The following RNF38 variants were observed in gnomAD, a reference collection of about 807,000 sequenced individuals.
RNF38 encodes E3 ubiquitin-protein ligase RNF38.
A neutral mutation model predicts 67.2 loss-of-function variants in RNF38; 15 were observed. The observed-to-expected ratio is 0.22, with a 90% confidence interval of 0.15 to 0.34. RNF38 has a LOEUF of 0.34. RNF38 is among the 10% of genes least tolerant of loss of function. The pLI, the probability that RNF38 is intolerant of heterozygous loss-of-function variation, is 1.00. For synonymous variants in RNF38, 220 were observed against 218.8 expected (o/e 1.01, Z -0.05); for missense variants, 524 against 639.9 (o/e 0.82, Z 1.95).
intron 2 of RNF38, among the ~76,000 whole-genome samples, chr9:36,418,789 A>C (rs181936934): frequency 1.5e-3 from 223 of 151,612 alleles, no homozygotes; most frequent in East Asian, 2.3e-3. Flanking sequence ...CTGTCTCAAA[A>C]AACAACAACA....
At chr9:36,376,543 T>C (rs1728303411) in intron 2 of RNF38, among the ~76,000 whole-genome samples, 1 of 152,192 alleles carries the variant, frequency 6.6e-6, no homozygotes, top group South Asian at 2.1e-4. Flanking sequence ...GTAGGAGATA[T>C]AATTTGAGTA....
At chr9:36,463,974 T>C (rs567642119) in intron 1 of RNF38, among the ~76,000 whole-genome samples, 16 of 151,810 alleles carry the variant, frequency 1.1e-4, no homozygotes, top group Admixed American at 8.5e-4. Flanking sequence ...GAGACCATCC[T>C]GGCTAACATG....
chr9:36,437,680 C>T (rs376350656), intron 1 of RNF38, among the ~76,000 whole-genome samples: 1 of 152,052 alleles, frequency 6.6e-6, no homozygotes. Context: ...CAGTTTTCAA[C>T]TTAGGAAGGG....
rs1360163849 is a variant in RNF38 at position 36,356,388 on chromosome 9, T to C, written c.824A>G (p.His275Arg). Residue 275 changes from histidine to arginine, a missense_variant, in exon 6 of 12, where the codon CAT (histidine) becomes CGT (arginine). Physicochemically the swap from His to Arg is conservative, Grantham distance 29. This residue lies in a region of RNF38 where 461 missense variants were observed against 517.4 expected (regional missense o/e 0.89). Coordinates refer to ENST00000259605, the MANE Select transcript of RNF38 (RefSeq NM_022781.5). ...ATGATGGGGAGAAAGGTGAGGAGGATGTATAAGAAATGGATCACTAGAAAT... is the reference window on the plus strand; with the variant it reads ...ATGATGGGGAGAAAGGTGAGGAGGACGTATAAGAAATGGATCACTAGAAAT... ...PLISSDPFLI[H>R]PPHLSPHHPP... is the part of the protein sequence containing the mutation. 1.4e-5 allele frequency: 22 copies of C among 1,613,808 alleles called. No homozygotes were observed. The highest frequency in any genetic ancestry group is 1.9e-5 in the Non-Finnish European group (22 of 1,179,930).
chr9:36,480,036 T>C (rs1469343238), intron 1 of RNF38, among the ~76,000 whole-genome samples: 3 of 152,146 alleles, frequency 2.0e-5, no homozygotes, highest in East Asian at 3.8e-4. Flanking sequence ...TGGAGTGCAG[T>C]GGCGTGATTT....
intron 1 of RNF38, among the ~76,000 whole-genome samples, chr9:36,446,737 G>A (rs1455508596): frequency 6.9e-6 from 1 of 145,572 alleles, no homozygotes; most frequent in East Asian, 2.1e-4. Context: ...GAACCCAGGA[G>A]GCAGAGGTTG....
intron 2 of RNF38, among the ~76,000 whole-genome samples, chr9:36,385,822 C>G (rs990015789): frequency 6.6e-6 from 1 of 152,148 alleles, no homozygotes; most frequent in East Asian, 1.9e-4. Flanking sequence ...ATTCTTGGCA[C>G]GTCGCACAAC....
At chr9:36,390,333 TAAG>T (rs1587589047) in intron 2 of RNF38, 131 bp downstream of exon 2, 3 of 712,746 alleles carry the variant, frequency 4.2e-6, no homozygotes, top group Admixed American at 3.4e-5. Flanking sequence ...TAAAGTCCTC[TAAG>T]AAGAATACTT....
upstream of RNF38, chr9:36,400,634 C>G (rs1837944631): frequency 1.0e-6 from 1 of 985,744 alleles, no homozygotes; most frequent in Non-Finnish European, 1.2e-6. Context: ...ACTGCTCGCC[C>G]AGCCCGCGGC....
intron 1 of RNF38, among the ~76,000 whole-genome samples, chr9:36,483,669 A>T (rs1840333015): frequency 6.6e-6 from 1 of 152,142 alleles, no homozygotes; most frequent in Non-Finnish European, 1.5e-5. Flanking sequence ...AGACGGCTGA[A>T]CCTCAAATGT....
chr9:36,348,400 GA>G (rs1261237954), intron 9 of RNF38, among the ~76,000 whole-genome samples: 1 of 152,086 alleles, frequency 6.6e-6, no homozygotes, highest in Non-Finnish European at 1.5e-5. Flanking sequence ...TTGAGCCTGG[GA>G]GGTTGAGGCT....
chr9:36,377,933 C>G (rs556180259), intron 2 of RNF38, among the ~76,000 whole-genome samples: 1 of 151,770 alleles, frequency 6.6e-6, no homozygotes, highest in Non-Finnish European at 1.5e-5. Context: ...TAAGGAACCA[C>G]CAACTAATCT....
intron 1 of RNF38, among the ~76,000 whole-genome samples, chr9:36,483,188 C>T (rs1198485497): frequency 6.6e-6 from 1 of 152,086 alleles, no homozygotes; most frequent in South Asian, 2.1e-4. Context: ...GAGTTTGAGA[C>T]CAGCCTGGCC....
chr9:36,371,792 T>C (rs562958970), intron 3 of RNF38, among the ~76,000 whole-genome samples: 35 of 152,252 alleles, frequency 2.3e-4, no homozygotes, highest in African/African-American at 8.2e-4. Context: ...TGCCTTCTTC[T>C]GGAAATATTA....
chr9:36,452,978 T>C (rs1839493510), intron 1 of RNF38, among the ~76,000 whole-genome samples: 1 of 152,222 alleles, frequency 6.6e-6, no homozygotes, highest in African/African-American at 2.4e-5. Flanking sequence ...GTATACAGCT[T>C]CTGTGTAGAC....
intron 4 of RNF38, among the ~76,000 whole-genome samples, chr9:36,362,917 G>C (rs62541840): frequency 0.22 from 13,942 of 62,620 alleles, 3,080 homozygotes; most frequent in Non-Finnish European, 0.35. Context: ...CAAGCGTGAG[G>C]CACCACACCC....
chr9:36,457,610 CTTAAGT>C (rs1170625094), intron 1 of RNF38, among the ~76,000 whole-genome samples: 1 of 152,130 alleles, frequency 6.6e-6, no homozygotes, highest in African/African-American at 2.4e-5. Flanking sequence ...GATCCACAGG[CTTAAGT>C]TTATCAGGGG....
intron 1 of RNF38, chr9:36,424,802 A>T (rs1394687372): frequency 5.2e-6 from 1 of 192,214 alleles, no homozygotes; most frequent in Non-Finnish European, 9.6e-6. Flanking sequence ...ATATAAGTAG[A>T]CACTGTGGGG....
chr9:36,427,706 C>T lies in RNF38; in HGVS notation n.242-3023G>A, dbSNP rs200054966. Among the ~76,000 whole-genome samples, 518 of 105,724 alleles carry T rather than the reference C, an allele frequency of 4.9e-3. 1 individual carries two copies. Among genetic ancestry groups the T allele is most frequent in the African/African-American group, 0.015 (402 of 27,382 alleles). The allele number at this position is 105,724 out of a possible 152,430, so 69.4% of individuals were successfully genotyped here. ...ATCTATCTATCTATCTATCTATCTA[C>T]CTACCTATCTATTAATTTATTTGAG... On this transcript the variant is annotated intron_variant and non_coding_transcript_variant, in intron 1 of 3. Coordinates refer to the RNF38 transcript ENST00000488058.
Sources: allele counts gnomAD v4.1 joint callset (sites outside exome capture counted in the v4.1 genomes callset), GRCh38; gene constraint gnomAD v4.1.1; regional missense constraint gnomAD v4.1.1; transcripts MANE v1.5; gene names NCBI Gene and HGNC (gene_info 2026-07-23, HGNC 2026-07-21).